Variants in EDEM3 observed in about 807,000 individuals in gnomAD.
The protein encoded by EDEM3 is ER degradation-enhancing alpha-mannosidase-like protein 3.
In EDEM3, 60 loss-of-function variants were observed where a neutral mutation model predicts 110.2. The observed-to-expected ratio is 0.54, with a 90% CI of 0.44 to 0.67. The LOEUF (loss-of-function observed/expected upper bound fraction) is 0.67. EDEM3 is among the 30% of genes least tolerant of loss of function. The probability of loss-of-function intolerance (pLI) is 0.00; values close to 1 mark genes in which losing one functional copy is unlikely to be tolerated. For synonymous variants in EDEM3, 352 were observed against 382.9 expected, an observed-to-expected ratio of 0.92 and a Z score of 0.94; for missense variants, 996 against 1,121.0, an observed-to-expected ratio of 0.89 and a Z score of 1.59.
rs376862247 is a variant in EDEM3 at position 184,737,011 on chromosome 1, A to G, written c.345+14T>C. The G allele has an allele frequency of 1.1e-5, 18 of 1,607,414 alleles. No homozygotes were observed. The highest frequency in any genetic ancestry group is 1.4e-5 in the Non-Finnish European group (16 of 1,174,364). ...TATCATGAATAAAATAAATCCAAGA[A>G]GAGTCAAACCTACCACAAGAGTGTC... On this transcript the variant is annotated intron_variant, in intron 4 of 19. Coordinates refer to ENST00000318130, the MANE Select transcript of EDEM3 (RefSeq NM_025191.4).
intron 6 of EDEM3, among the ~76,000 whole-genome samples, chr1:184,729,421 T>A (rs115191911): frequency 0.015 from 2,244 of 152,300 alleles, 44 homozygotes; most frequent in East Asian, 0.051. Context: ...TATAATCATC[T>A]ACTCAACGTT....
chr1:184,723,911 C>CCTG, intron 7 of EDEM3, 55 bp from the exon 8 acceptor site: 1 of 1,315,226 alleles, frequency 7.6e-7, no homozygotes, highest in Non-Finnish European at 1.0e-6. Flanking sequence ...AGAACTAAGT[C>CCTG]TCTTTGGCAA....
At chr1:184,748,443 C>T (rs752512782) in intron 2 of EDEM3, among the ~76,000 whole-genome samples, 2 of 134,470 alleles carry the variant, frequency 1.5e-5, no homozygotes, top group African/African-American at 2.7e-5. Flanking sequence ...AGCACAACTC[C>T]GTCTCAAAAA....
At chr1:184,734,239 C>G (rs1168584800) in intron 5 of EDEM3, among the ~76,000 whole-genome samples, 1 of 152,146 alleles carries the variant, frequency 6.6e-6, no homozygotes, top group Non-Finnish European at 1.5e-5. Flanking sequence ...GAGGCCGAGG[C>G]AGGCAGATCA....
chr1:184,701,780 A>G (rs1649638400), intron 19 of EDEM3, among the ~76,000 whole-genome samples: 1 of 152,122 alleles, frequency 6.6e-6, no homozygotes, highest in South Asian at 2.1e-4. Context: ...CAAACAACCT[A>G]CTTGCTCACT....
intron 7 of EDEM3, among the ~76,000 whole-genome samples, chr1:184,725,682 T>C (rs1651152769): frequency 6.6e-6 from 1 of 151,938 alleles, no homozygotes. Context: ...GAGGGTGCTT[T>C]GTGTTACCAC....
chr1:184,722,920 A>T (rs1011527173), intron 8 of EDEM3, among the ~76,000 whole-genome samples: 1 of 151,970 alleles, frequency 6.6e-6, no homozygotes, highest in Non-Finnish European at 1.5e-5. Context: ...CTGTTTGTTC[A>T]TATAACATTG....
intron 12 of EDEM3, 47 bp downstream of exon 12, chr1:184,717,493 A>C (rs1344555547): frequency 6.7e-7 from 1 of 1,490,192 alleles, no homozygotes; most frequent in South Asian, 1.2e-5. Context: ...GAGATCCAAC[A>C]GAGAATGGAG....
In EDEM3 at chr1:184,706,624, G is replaced by A. The variant is rs1204766540; in HGVS notation, c.2203+19C>T. 6.3e-7 allele frequency: 1 copy of A among 1,585,646 alleles called. No individual in the cohort carries two copies. ...TTATCTCCCCTTCAGTCAACACAATGACATGGATGATTACTTACCAATAAC... is the reference window on the plus strand; with the variant it reads ...TTATCTCCCCTTCAGTCAACACAATAACATGGATGATTACTTACCAATAAC... On this transcript the variant is annotated intron_variant, in intron 18 of 19. Transcript: ENST00000318130.
intron 13 of EDEM3, among the ~76,000 whole-genome samples, chr1:184,715,595 T>C (rs1650501809): frequency 6.6e-6 from 1 of 152,190 alleles, no homozygotes. Context: ...AATTCTGACT[T>C]AATCTTACTA....
chr1:184,696,839 T>G (rs1329573904), intron 19 of EDEM3, among the ~76,000 whole-genome samples: 2 of 152,022 alleles, frequency 1.3e-5, no homozygotes, highest in Non-Finnish European at 2.9e-5. Context: ...TGTAGGGTTG[T>G]TTTACCTGGT....
chr1:184,710,672 A>G (rs893787871), intron 15 of EDEM3, 125 bp from the exon 16 acceptor site: 6 of 1,091,662 alleles, frequency 5.5e-6, no homozygotes, highest in Non-Finnish European at 7.7e-6. Context: ...AACTGGAATA[A>G]CTAGAAAGTA....
At chr1:184,702,789 A>C in intron 19 of EDEM3, 22 bp downstream of exon 19, 1 of 1,504,210 alleles carries the variant, frequency 6.6e-7, no homozygotes, top group Non-Finnish European at 8.9e-7. Context: ...GCATAAAAAA[A>C]CAAATGGTAT....
chr1:184,717,995 A>G (rs146264379), intron 11 of EDEM3, among the ~76,000 whole-genome samples: 210 of 151,970 alleles, frequency 1.4e-3, no homozygotes, highest in African/African-American at 4.9e-3. Context: ...TTATTTTTAA[A>G]TTTTTTAAAT....
At chr1:184,700,249 G>C (rs1437357649) in intron 19 of EDEM3, among the ~76,000 whole-genome samples, 2 of 151,918 alleles carry the variant, frequency 1.3e-5, no homozygotes, top group African/African-American at 4.8e-5. Flanking sequence ...GAAGACAGGA[G>C]TGAAGGCTTT....
At position 184,712,774 on chromosome 1, in the gene EDEM3, A is replaced by T. The variant is rs545549441; in HGVS notation, c.1371-176T>A. 3.9e-5 allele frequency among the ~76,000 whole-genome samples: 6 copies of T among 152,328 alleles called. No individual in the cohort carries two copies. In the East Asian group the frequency reaches 9.7e-4, roughly 25 times the overall value. ...ATAACCTTGACTCCAAGTATATTCTATGTTAATGAAAAAGACCAGAGGAGT... is the reference window on the plus strand; with the variant it reads ...ATAACCTTGACTCCAAGTATATTCTTTGTTAATGAAAAAGACCAGAGGAGT... On this transcript the variant is annotated intron_variant, in intron 13 of 19. Coordinates refer to ENST00000318130, the MANE Select transcript of EDEM3 (RefSeq NM_025191.4).
intron 13 of EDEM3, among the ~76,000 whole-genome samples, chr1:184,714,248 G>C (rs998374414): frequency 2.0e-5 from 3 of 152,070 alleles, no homozygotes; most frequent in African/African-American, 4.8e-5. Context: ...CTAGCAAGTT[G>C]AACATCAGAT....
At chr1:184,754,359 G>C (rs1558079130) in intron 1 of EDEM3, 130 bp downstream of exon 1, 2 of 1,435,036 alleles carry the variant, frequency 1.4e-6, no homozygotes, top group East Asian at 5.0e-5. Flanking sequence ...ACCCCTCTAG[G>C]GTTCTCGCGC....
chr1:184,739,299 A>G (rs1485521788), intron 2 of EDEM3, among the ~76,000 whole-genome samples: 1 of 149,070 alleles, frequency 6.7e-6, no homozygotes, highest in Non-Finnish European at 1.5e-5. Context: ...TAATTATTAA[A>G]ATAACTATTT....
Sources: gnomAD v4.1 joint callset for allele counts (sites outside exome capture counted in the v4.1 genomes callset) on GRCh38, gnomAD v4.1.1 for gene constraint, MANE v1.5 for transcripts, NCBI Gene and HGNC (gene_info 2026-07-23, HGNC 2026-07-21) for gene names.